The following CPNE8 variants were observed in gnomAD, a reference collection of about 807,000 sequenced individuals.
CPNE8 encodes the protein copine 8, also known as copine-8.
In CPNE8, 45 loss-of-function variants were observed where a neutral mutation model predicts 81.5. The ratio of observed to expected loss-of-function variants is 0.55; its 90% CI spans 0.44 to 0.71. CPNE8 has a LOEUF of 0.71. Ranked by LOEUF, CPNE8 falls within the 30% of genes least tolerant of loss-of-function variation. The pLI, the probability that CPNE8 is intolerant of heterozygous loss-of-function variation, is 0.00. For missense variants in CPNE8, 594 were observed against 672.1 expected, an observed-to-expected ratio of 0.88 and a Z score of 1.28; for synonymous variants, 252 against 226.3, an observed-to-expected ratio of 1.11 and a Z score of -1.02.
chr12:38,697,841 G>A (rs1471941164), intron 14 of CPNE8, among the ~76,000 whole-genome samples: 1 of 152,116 alleles, frequency 6.6e-6, no homozygotes, highest in Non-Finnish European at 1.5e-5. Flanking sequence ...CATGTAATAT[G>A]CTGACTGCCC....
intron 5 of CPNE8, 50 bp from the exon 6 acceptor site, chr12:38,829,505 C>T (rs1187165713): frequency 7.7e-7 from 1 of 1,301,176 alleles, no homozygotes; most frequent in African/African-American, 1.5e-5. Context: ...ACTATCTTTA[C>T]AGTATATGTT....
intron 10 of CPNE8, among the ~76,000 whole-genome samples, chr12:38,760,232 T>G (rs1244124421): frequency 6.6e-6 from 1 of 152,002 alleles, no homozygotes; most frequent in African/African-American, 2.4e-5. Context: ...TGGCTTAAGA[T>G]CATTTTACAA....
chr12:38,848,686 A>G (rs960273926), intron 3 of CPNE8, 24 bp from the exon 4 acceptor site: 3 of 1,571,226 alleles, frequency 1.9e-6, no homozygotes, highest in African/African-American at 1.4e-5. Context: ...GAGAGAATTT[A>G]AAATTAAACC....
intron 8 of CPNE8, among the ~76,000 whole-genome samples, chr12:38,764,320 T>C (rs1196728544): frequency 6.6e-6 from 1 of 151,998 alleles, no homozygotes; most frequent in Non-Finnish European, 1.5e-5. Context: ...CAAAAAATTT[T>C]TAAGAAAAAG....
chr12:38,794,727 T>G (rs142956789), intron 6 of CPNE8, among the ~76,000 whole-genome samples: 72 of 151,802 alleles, frequency 4.7e-4, no homozygotes, highest in African/African-American at 1.3e-3. Flanking sequence ...GGTGGGATTA[T>G]AAAACAGTGC....
intron 6 of CPNE8, among the ~76,000 whole-genome samples, chr12:38,805,695 C>CT (rs1942783198): frequency 8.8e-5 from 10 of 113,592 alleles, no homozygotes; most frequent in Non-Finnish European, 1.8e-4. Context: ...AAAAAAAGAA[C>CT]TAGAAAAGCA....
chr12:38,828,139 C>T (rs1178341534), intron 6 of CPNE8, among the ~76,000 whole-genome samples: 6 of 151,958 alleles, frequency 3.9e-5, no homozygotes, highest in Non-Finnish European at 5.9e-5. Flanking sequence ...TTCTTTTTAA[C>T]GACAAAAAAC....
intron 6 of CPNE8, among the ~76,000 whole-genome samples, chr12:38,798,636 T>A (rs1303625681): frequency 1.3e-5 from 2 of 150,964 alleles, no homozygotes; most frequent in Non-Finnish European, 3.0e-5. Flanking sequence ...AGAAACTGCA[T>A]CAACTAACGA....
At chr12:38,722,291 TACTTTA>T (rs1402291699) in intron 13 of CPNE8, among the ~76,000 whole-genome samples, 3 of 152,244 alleles carry the variant, frequency 2.0e-5, no homozygotes, top group South Asian at 2.1e-4. Context: ...TTCTACTTTG[TACTTTA>T]ACTTTATTGA....
At chr12:38,794,156 G>A (rs141879552) in intron 6 of CPNE8, among the ~76,000 whole-genome samples, 77 of 152,178 alleles carry the variant, frequency 5.1e-4, no homozygotes, top group African/African-American at 1.3e-3. Flanking sequence ...TCTTGGATAC[G>A]ACACCAAAAG....
At chr12:38,691,999 G>A (rs758578128) in intron 15 of CPNE8, among the ~76,000 whole-genome samples, 23 of 152,028 alleles carry the variant, frequency 1.5e-4, no homozygotes, top group Admixed American at 4.6e-4. Flanking sequence ...TGGGCTCAAA[G>A]AACAAATTAA....
chr12:38,774,961 G>A (rs1941896452), intron 7 of CPNE8, among the ~76,000 whole-genome samples: 1 of 151,978 alleles, frequency 6.6e-6, no homozygotes, highest in East Asian at 1.9e-4. Context: ...AGTTCCTATT[G>A]TTATCTCACT....
At chr12:38,687,649 T>G (rs1939563609) in intron 15 of CPNE8, among the ~76,000 whole-genome samples, 1 of 152,146 alleles carries the variant, frequency 6.6e-6, no homozygotes, top group Admixed American at 6.5e-5. Context: ...CCCAAAGTGC[T>G]GGGATTACAG....
intron 10 of CPNE8, among the ~76,000 whole-genome samples, chr12:38,743,535 C>T (rs1031066727): frequency 6.6e-6 from 1 of 152,034 alleles, no homozygotes; most frequent in Admixed American, 6.6e-5. Context: ...TTACTTAGAT[C>T]ATTGAAATAT....
intron 6 of CPNE8, among the ~76,000 whole-genome samples, chr12:38,780,771 A>T (rs891790537): frequency 1.3e-5 from 2 of 152,124 alleles, no homozygotes; most frequent in Non-Finnish European, 2.9e-5. Context: ...TTCTAAAAAC[A>T]AGCATAAACT....
chr12:38,694,281 T>A (rs1283414375), intron 14 of CPNE8, among the ~76,000 whole-genome samples: 4 of 152,184 alleles, frequency 2.6e-5, no homozygotes, highest in Non-Finnish European at 2.9e-5. Context: ...ACTGAATATT[T>A]GAGAAGTATC....
intron 3 of CPNE8, among the ~76,000 whole-genome samples, chr12:38,867,490 G>C (rs1014060993): frequency 1.3e-5 from 2 of 151,966 alleles, no homozygotes; most frequent in East Asian, 1.9e-4. Context: ...TGTAGTAATC[G>C]GCATTTGAAA....
intron 10 of CPNE8, among the ~76,000 whole-genome samples, chr12:38,744,897 C>T (rs368037774): frequency 6.6e-6 from 1 of 152,208 alleles, no homozygotes; most frequent in Non-Finnish European, 1.5e-5. Context: ...TTCCTACCAA[C>T]CTAATATAGG....
At chr12:38,905,614 G>A (rs1944559861), upstream of CPNE8, 2 of 1,525,874 alleles carry the variant, frequency 1.3e-6, no homozygotes, top group Admixed American at 3.9e-5. Context: ...CCGTCAGGCG[G>A]GGATGGGGGT....
Sources: gnomAD v4.1 joint callset for allele counts (sites outside exome capture counted in the v4.1 genomes callset) on GRCh38, gnomAD v4.1.1 for gene constraint, MANE v1.5 for transcripts, NCBI Gene and HGNC (gene_info 2026-07-23, HGNC 2026-07-21) for gene names.